Variants in ZPBP observed in about 807,000 individuals in gnomAD.
The protein encoded by ZPBP is zona pellucida-binding protein 1.
In ZPBP, 26 loss-of-function variants were observed where a neutral mutation model predicts 44.8. That is an observed-to-expected ratio of 0.58 (90% CI 0.43 to 0.81). The LOEUF (loss-of-function observed/expected upper bound fraction) is 0.81. ZPBP is among the 30% of genes least tolerant of loss of function. The probability of loss-of-function intolerance (pLI) is 0.00; values close to 1 mark genes in which losing one functional copy is unlikely to be tolerated. For synonymous variants in ZPBP, 174 were observed against 153.2 expected (o/e 1.14, Z -1.00); for missense variants, 409 against 434.0 (o/e 0.94, Z 0.51).
At chr7:49,871,722 AG>A (rs1791153779) in intron 2 of ZPBP, among the ~76,000 whole-genome samples, 1 of 152,092 alleles carries the variant, frequency 6.6e-6, no homozygotes, top group South Asian at 2.1e-4. Flanking sequence ...AGATCAGGTA[AG>A]GAAAAAAATC....
chr7:49,866,424 T>C (rs1790893238), intron 2 of ZPBP, among the ~76,000 whole-genome samples: 1 of 152,198 alleles, frequency 6.6e-6, no homozygotes, highest in African/African-American at 2.4e-5. Flanking sequence ...CCTGTGGTGG[T>C]CTCAGGCTTG....
chr7:49,847,751 C>A (rs1790001361), downstream of ZPBP, among the ~76,000 whole-genome samples: 1 of 152,158 alleles, frequency 6.6e-6, no homozygotes, highest in Non-Finnish European at 1.5e-5. Flanking sequence ...GTGATTTCAG[C>A]AGACTGTGAG....
chr7:50,035,623 T>G (rs1280689604), intron 4 of ZPBP, among the ~76,000 whole-genome samples: 4 of 151,978 alleles, frequency 2.6e-5, no homozygotes, highest in African/African-American at 9.7e-5. Context: ...AAACTGAAAA[T>G]CTTATATGGG....
chr7:49,938,702 T>A (rs1794720468), intron 7 of ZPBP, among the ~76,000 whole-genome samples: 1 of 152,146 alleles, frequency 6.6e-6, no homozygotes, highest in Non-Finnish European at 1.5e-5. Flanking sequence ...GGTCTTTGAT[T>A]ATTCTGTTCC....
chr7:49,945,390 T>C (rs1430994158), intron 7 of ZPBP, among the ~76,000 whole-genome samples: 1 of 152,134 alleles, frequency 6.6e-6, no homozygotes, highest in Non-Finnish European at 1.5e-5. Flanking sequence ...TTAAGCCTGA[T>C]ATTTCTTTGT....
intron 2 of ZPBP, among the ~76,000 whole-genome samples, chr7:49,889,958 T>C (rs503212): frequency 0.032 from 4,947 of 152,238 alleles, 294 homozygotes; most frequent in African/African-American, 0.11. Context: ...CTAATCTCAA[T>C]TTTAATCTTG....
chr7:49,907,977 G>T (rs1462555722), intron 1 of ZPBP, among the ~76,000 whole-genome samples: 1 of 152,154 alleles, frequency 6.6e-6, no homozygotes, highest in Non-Finnish European at 1.5e-5. Context: ...TGGGGGAAAA[G>T]ACCTGGAAAG....
At chr7:49,877,307 C>T (rs1163308483) in intron 2 of ZPBP, among the ~76,000 whole-genome samples, 1 of 149,862 alleles carries the variant, frequency 6.7e-6, no homozygotes, top group African/African-American at 2.5e-5. Context: ...ACTAAAAATA[C>T]AAAAATTAGC....
intron 7 of ZPBP, among the ~76,000 whole-genome samples, chr7:49,947,447 C>T (rs1428545872): frequency 2.6e-5 from 4 of 152,204 alleles, no homozygotes; most frequent in Admixed American, 2.6e-4. Flanking sequence ...AACACTGTGG[C>T]TCCTGCAGAC....
At chr7:49,866,338 T>C (rs1240262350) in intron 2 of ZPBP, among the ~76,000 whole-genome samples, 1 of 152,204 alleles carries the variant, frequency 6.6e-6, no homozygotes, top group African/African-American at 2.4e-5. Context: ...TGACTGGCGT[T>C]CTTCCCTCAT....
chr7:50,051,528 A>G (rs776268256), intron 4 of ZPBP, among the ~76,000 whole-genome samples: 1 of 152,096 alleles, frequency 6.6e-6, no homozygotes, highest in African/African-American at 2.4e-5. Context: ...TAATGATTCC[A>G]TGTCATTGAA....
chr7:49,885,212 G>A (rs917706431), intron 2 of ZPBP, among the ~76,000 whole-genome samples: 5 of 152,208 alleles, frequency 3.3e-5, no homozygotes, highest in African/African-American at 1.2e-4. Context: ...TTCCAGAGAA[G>A]TTTTAATGTA....
intron 4 of ZPBP, among the ~76,000 whole-genome samples, chr7:50,043,188 G>C (rs1003133133): frequency 2.6e-5 from 4 of 152,180 alleles, no homozygotes; most frequent in African/African-American, 7.2e-5. Context: ...TTTGTTTCCC[G>C]TTAAGTAATA....
chr7:50,090,908 T>C (rs956626227), intron 1 of ZPBP, among the ~76,000 whole-genome samples: 8 of 152,182 alleles, frequency 5.3e-5, no homozygotes, highest in African/African-American at 1.9e-4. Flanking sequence ...ATAGTGGTTG[T>C]ACTAGTTTAC....
At chr7:49,932,214 G>A (rs1467128751) in intron 1 of ZPBP, among the ~76,000 whole-genome samples, 1 of 152,186 alleles carries the variant, frequency 6.6e-6, no homozygotes, top group South Asian at 2.1e-4. Context: ...TGTGAGAAGA[G>A]GGCCACCATC....
At chr7:50,023,361 T>A (rs762192484) in intron 5 of ZPBP, among the ~76,000 whole-genome samples, 3 of 152,014 alleles carry the variant, frequency 2.0e-5, no homozygotes, top group Non-Finnish European at 4.4e-5. Flanking sequence ...AATGCCATGG[T>A]GTTATTATGG....
intron 2 of ZPBP, among the ~76,000 whole-genome samples, chr7:49,880,378 T>A (rs893918931): frequency 2.6e-5 from 4 of 151,998 alleles, no homozygotes; most frequent in Admixed American, 6.6e-5. Context: ...TAACTTTGGG[T>A]TTCTTTCATG....
chr7:50,082,020 ATTAC>A, intron 2 of ZPBP, 121 bp from the exon 3 acceptor site: 1 of 1,153,638 alleles, frequency 8.7e-7, no homozygotes, highest in Non-Finnish European at 1.2e-6. Context: ...TATTGCTCCT[ATTAC>A]TTGATAAAAA....
chr7:49,938,347 G>A (rs1171043446), intron 7 of ZPBP, among the ~76,000 whole-genome samples: 1 of 152,032 alleles, frequency 6.6e-6, no homozygotes, highest in Non-Finnish European at 1.5e-5. Flanking sequence ...TCCCTAATAT[G>A]AGGATAATGA....
Sources: gnomAD v4.1 joint callset for allele counts (sites outside exome capture counted in the v4.1 genomes callset) on GRCh38, gnomAD v4.1.1 for gene constraint, MANE v1.5 for transcripts, NCBI Gene and HGNC (gene_info 2026-07-23, HGNC 2026-07-21) for gene names.